The following RBMS3 variants were observed in gnomAD, a reference collection of about 807,000 sequenced individuals.
RBMS3 encodes RNA binding motif single stranded interacting protein 3, also known as RNA-binding motif, single-stranded-interacting protein 3.
A neutral mutation model predicts 66.8 loss-of-function variants in RBMS3; 27 were observed. The observed-to-expected ratio is 0.40, with a 90% CI of 0.30 to 0.56. RBMS3 has a LOEUF of 0.56. Ranked by LOEUF, RBMS3 falls within the 20% of genes least tolerant of loss-of-function variation. RBMS3 has a pLI of 0.40. For synonymous variants in RBMS3, 188 were observed against 183.0 expected (o/e 1.03, Z -0.22); for missense variants, 513 against 549.5 (o/e 0.93, Z 0.66).
intron 12 of RBMS3, among the ~76,000 whole-genome samples, chr3:29,981,519 G>T (rs1697994162): frequency 6.6e-6 from 1 of 152,076 alleles, no homozygotes; most frequent in South Asian, 2.1e-4. Context: ...GTTTTCAAAG[G>T]GAGTGCTTCC....
At chr3:29,347,860 C>A (rs1003332655) in intron 1 of RBMS3, among the ~76,000 whole-genome samples, 1 of 152,148 alleles carries the variant, frequency 6.6e-6, no homozygotes, top group African/African-American at 2.4e-5. Context: ...CTGAAACATT[C>A]CGGATGATAA....
chr3:29,701,894 C>A (rs1016711309), intron 4 of RBMS3, among the ~76,000 whole-genome samples: 1 of 152,026 alleles, frequency 6.6e-6, no homozygotes, highest in Non-Finnish European at 1.5e-5. Flanking sequence ...CCGCCCGGTC[C>A]CATCGACCGC....
chr3:29,771,584 G>A (rs1020713881), intron 6 of RBMS3, among the ~76,000 whole-genome samples: 31 of 152,048 alleles, frequency 2.0e-4, no homozygotes, highest in African/African-American at 7.5e-4. Context: ...TGGAATTAAG[G>A]TTGCTAATAA....
At chr3:29,335,115 A>T (rs1214755885) in intron 1 of RBMS3, among the ~76,000 whole-genome samples, 2 of 149,512 alleles carry the variant, frequency 1.3e-5, no homozygotes, top group African/African-American at 4.9e-5. Flanking sequence ...TATGTTTGAC[A>T]TTTTTTTTTT....
intron 1 of RBMS3, among the ~76,000 whole-genome samples, chr3:29,309,622 G>A (rs2034248304): frequency 6.6e-6 from 1 of 151,420 alleles, no homozygotes; most frequent in Non-Finnish European, 1.5e-5. Flanking sequence ...GGGGGGCGGT[G>A]GTGGCGGTGG....
At chr3:29,678,080 C>A (rs115931044) in intron 4 of RBMS3, among the ~76,000 whole-genome samples, 5,008 of 152,204 alleles carry the variant, frequency 0.033, 269 homozygotes, top group African/African-American at 0.11. Flanking sequence ...AGTAAGGTTA[C>A]TACATTAAGG....
intron 4 of RBMS3, among the ~76,000 whole-genome samples, chr3:29,695,545 C>G (rs185221081): frequency 1.3e-5 from 2 of 152,142 alleles, no homozygotes; most frequent in East Asian, 1.9e-4. Flanking sequence ...AGTTGTTATT[C>G]TGTTGGCTTC....
intron 12 of RBMS3, among the ~76,000 whole-genome samples, chr3:29,974,740 A>T (rs1206344092): frequency 6.7e-6 from 1 of 149,682 alleles, no homozygotes; most frequent in East Asian, 1.9e-4. Context: ...TATCTGTGAG[A>T]CCCATCCATA....
intron 6 of RBMS3, among the ~76,000 whole-genome samples, chr3:29,838,627 C>T (rs2058587898): frequency 6.6e-6 from 1 of 152,090 alleles, no homozygotes; most frequent in East Asian, 1.9e-4. Flanking sequence ...AGACATTTGT[C>T]GCACATTTAA....
At chr3:29,479,868 T>A (rs1192364857) in intron 2 of RBMS3, among the ~76,000 whole-genome samples, 2 of 152,242 alleles carry the variant, frequency 1.3e-5, no homozygotes, top group Non-Finnish European at 2.9e-5. Flanking sequence ...TATATTTGTT[T>A]ATGGTAATAC....
intron 4 of RBMS3, among the ~76,000 whole-genome samples, chr3:29,666,875 T>C (rs1435069064): frequency 6.6e-6 from 1 of 152,158 alleles, no homozygotes; most frequent in Non-Finnish European, 1.5e-5. Context: ...TTCAATTTGT[T>C]AGCTTTGAAG....
chr3:29,396,297 G>A (rs547529761), intron 1 of RBMS3, among the ~76,000 whole-genome samples: 3 of 152,204 alleles, frequency 2.0e-5, no homozygotes, highest in African/African-American at 7.2e-5. Flanking sequence ...TTTAAAAAAT[G>A]TCAATATCAC....
At chr3:29,638,143 C>G (rs886631245) in intron 4 of RBMS3, among the ~76,000 whole-genome samples, 7 of 151,850 alleles carry the variant, frequency 4.6e-5, no homozygotes, top group Admixed American at 3.3e-4. Context: ...GACACGTCCC[C>G]CTATCCCCAC....
chr3:29,732,372 C>T (rs923375379), intron 4 of RBMS3, among the ~76,000 whole-genome samples: 4 of 152,150 alleles, frequency 2.6e-5, no homozygotes, highest in Admixed American at 2.6e-4. Context: ...GAGGGCCACC[C>T]ACATTGAGGA....
rs190353783 is a variant in RBMS3, at chr3:29,697,424, C to T, written c.400-42296C>T. On this transcript the variant is annotated intron_variant, in intron 4 of 14. Coordinates refer to ENST00000383767, the MANE Select transcript of RBMS3 (RefSeq NM_001003793.3). Reference sequence around the variant, plus strand: ...GGGGGAACATGACCAGAACTTCACCCGGTTTACTTTTCTTTCCATTGTTTA... The same window carrying T: ...GGGGGAACATGACCAGAACTTCACCTGGTTTACTTTTCTTTCCATTGTTTA... 1.7e-3 allele frequency among the ~76,000 whole-genome samples: 255 copies of T among 152,278 alleles called. No homozygotes were observed. In the Middle Eastern group the frequency reaches 0.027, roughly 16 times the overall value.
At chr3:29,909,233 C>T (rs1271819734) in intron 10 of RBMS3, among the ~76,000 whole-genome samples, 3 of 152,070 alleles carry the variant, frequency 2.0e-5, no homozygotes, top group Non-Finnish European at 2.9e-5. Flanking sequence ...CTTTCCTACA[C>T]ATTTTTTATT....
intron 2 of RBMS3, among the ~76,000 whole-genome samples, chr3:29,463,627 A>G (rs1429742016): frequency 1.3e-5 from 2 of 152,020 alleles, no homozygotes; most frequent in Non-Finnish European, 1.5e-5. Context: ...AAAAAAAAAA[A>G]AAAAGCAGTA....
intron 3 of RBMS3, among the ~76,000 whole-genome samples, chr3:29,503,332 C>T (rs942156597): frequency 2.6e-5 from 4 of 151,968 alleles, no homozygotes; most frequent in Non-Finnish European, 5.9e-5. Flanking sequence ...TAATTCTTAC[C>T]GAGATTTACC....
chr3:29,594,409 C>A (rs1442858536), intron 4 of RBMS3, among the ~76,000 whole-genome samples: 1 of 152,132 alleles, frequency 6.6e-6, no homozygotes, highest in East Asian at 1.9e-4. Context: ...TTGTGGAATG[C>A]ACTTTAAATA....
Sources: allele counts gnomAD v4.1 joint callset (sites outside exome capture counted in the v4.1 genomes callset), GRCh38; gene constraint gnomAD v4.1.1; transcripts MANE v1.5; gene names NCBI Gene and HGNC (gene_info 2026-07-23, HGNC 2026-07-21).